GALNT18: variants seen among roughly 807,000 people sequenced by gnomAD.
GALNT18 encodes GalNAc-transferase 18.
In GALNT18, 44 loss-of-function variants were observed where a neutral mutation model predicts 69.5. The ratio of observed to expected loss-of-function variants is 0.63; its 90% CI spans 0.50 to 0.81. The LOEUF (loss-of-function observed/expected upper bound fraction) is 0.81, where lower values mean the gene tolerates loss of function less well. GALNT18 is among the 40% of genes least tolerant of loss of function. The pLI is 0.00. For synonymous variants in GALNT18, 364 were observed against 318.2 expected (o/e 1.14, Z -1.53); for missense variants, 715 against 810.0 (o/e 0.88, Z 1.42).
chr11:11,499,181 T>A (rs1266603800), intron 1 of GALNT18, among the ~76,000 whole-genome samples: 2 of 152,228 alleles, frequency 1.3e-5, no homozygotes, highest in Non-Finnish European at 2.9e-5. Flanking sequence ...TGTTCACTTA[T>A]GACGGTCAAC....
rs192697296 is a variant in GALNT18 at position 11,493,888 on chromosome 11, G to A, written c.236-44952C>T. Among the ~76,000 whole-genome samples, 52 of 152,290 alleles carry A rather than the reference G, an allele frequency of 3.4e-4. No homozygotes were observed. The East Asian group carries it at 9.5e-3, about 28-fold the overall frequency. On this transcript the variant is annotated intron_variant, in intron 1 of 10. Coordinates refer to ENST00000227756, the MANE Select transcript of GALNT18 (RefSeq NM_198516.3). Reference sequence around the variant, plus strand: ...CAACCCGCTCCTGTCCCAGCGTGTGGCAGCAGAGACCACAGCCATGGGGAG... The same window carrying A: ...CAACCCGCTCCTGTCCCAGCGTGTGACAGCAGAGACCACAGCCATGGGGAG...
At chr11:11,342,737 A>G (rs1302792148) in intron 6 of GALNT18, among the ~76,000 whole-genome samples, 1 of 152,206 alleles carries the variant, frequency 6.6e-6, no homozygotes, top group Non-Finnish European at 1.5e-5. Context: ...TGGGTTATGA[A>G]CAGGGCTGGC....
In GALNT18 at chr11:11,538,931, T is replaced by C. The variant is rs1475383962; in HGVS notation, c.235+82428A>G. On this transcript the variant is annotated intron_variant, in intron 1 of 10. Coordinates refer to ENST00000227756, the MANE Select transcript of GALNT18 (RefSeq NM_198516.3). This position sits in a 1 kb window ranked among gnomAD's most constrained non-coding sequence, Gnocchi z 5.2. Reference sequence around the variant, plus strand: ...TTTGTCAACAGAGGTGCCCCCCAGATCCCTGGGTGCCGTGGGCCTCCCTTT... The same window carrying C: ...TTTGTCAACAGAGGTGCCCCCCAGACCCCTGGGTGCCGTGGGCCTCCCTTT... 6.6e-6 allele frequency among the ~76,000 whole-genome samples: 1 copy of C among 152,132 alleles called. No individual in the cohort carries two copies. Among genetic ancestry groups the C allele is most frequent in the Non-Finnish European group, 1.5e-5 (1 of 68,006 alleles).
intron 5 of GALNT18, among the ~76,000 whole-genome samples, chr11:11,374,523 C>T (rs1853681990): frequency 6.6e-6 from 1 of 152,180 alleles, no homozygotes; most frequent in African/African-American, 2.4e-5. Flanking sequence ...CAGGGCAGGG[C>T]ACGCTGGAAA....
intron 1 of GALNT18, among the ~76,000 whole-genome samples, chr11:11,495,922 T>G (rs1856858796): frequency 6.6e-6 from 1 of 152,210 alleles, no homozygotes; most frequent in South Asian, 2.1e-4. Context: ...TCTCTAAGAC[T>G]CCCAACTTGA....
At chr11:11,327,251 AG>A (rs1435446098) in intron 8 of GALNT18, 70 bp from the exon 9 acceptor site, 1 of 1,122,906 alleles carries the variant, frequency 8.9e-7, no homozygotes, top group Non-Finnish European at 1.4e-6. Flanking sequence ...TTAACTCTGG[AG>A]AAACAAGTAT....
At chr11:11,567,256 T>C (rs1858677134) in intron 1 of GALNT18, among the ~76,000 whole-genome samples, 1 of 152,186 alleles carries the variant, frequency 6.6e-6, no homozygotes, top group Admixed American at 6.5e-5. Context: ...ACACTTTTCC[T>C]AGTAACCTAG....
intron 10 of GALNT18, among the ~76,000 whole-genome samples, chr11:11,284,890 A>G (rs1467382823): frequency 8.1e-6 from 1 of 123,322 alleles, no homozygotes; most frequent in Non-Finnish European, 1.7e-5. Context: ...CACCTGATTT[A>G]CTAGTAAAGA....
chr11:11,382,213 ACC>A lies in GALNT18; in HGVS notation c.596-2951_596-2950del, dbSNP rs1853938368. ...AGAAGAGGGAATTCTCTTAGCCCCA[ACC>A]AAACAACTGCTATCCAAAAAAGAAA... On this transcript the variant is annotated intron_variant, in intron 3 of 10. Coordinates refer to ENST00000227756, the MANE Select transcript of GALNT18 (RefSeq NM_198516.3). The surrounding 1 kb of genome is among the most constrained non-coding windows in gnomAD (Gnocchi z 4.3). 4.6e-5 allele frequency among the ~76,000 whole-genome samples: 7 copies of A among 152,180 alleles called. No individual in the cohort carries two copies.
chr11:11,429,431 C>G (rs982459777), intron 3 of GALNT18, among the ~76,000 whole-genome samples: 1 of 152,206 alleles, frequency 6.6e-6, no homozygotes, highest in Non-Finnish European at 1.5e-5. Flanking sequence ...TTACTCCACG[C>G]GTGAGACTCC....
rs1005318862 is a variant in GALNT18 at position 11,318,800 on chromosome 11, T to C, written c.1512+8286A>G. Reference sequence around the variant, plus strand: ...CAAAGAGGGGAAGTGGCCTGTCCTTTTAATATTATCCTGGGACATTAACGG... The same window carrying C: ...CAAAGAGGGGAAGTGGCCTGTCCTTCTAATATTATCCTGGGACATTAACGG... On this transcript the variant is annotated intron_variant, in intron 9 of 10. Coordinates refer to ENST00000227756, the MANE Select transcript of GALNT18 (RefSeq NM_198516.3). This position sits in a 1 kb window ranked among gnomAD's most constrained non-coding sequence, Gnocchi z 5.1. Among the ~76,000 whole-genome samples the C allele has an allele frequency of 4.1e-4, 62 of 152,254 alleles. No homozygotes were observed. Among genetic ancestry groups the C allele is most frequent in the South Asian group, 3.1e-3 (15 of 4,820 alleles).
In GALNT18 at chr11:11,356,370, G is replaced by A. The variant is rs575799624; in HGVS notation, c.1093-15366C>T. Among the ~76,000 whole-genome samples the A allele has an allele frequency of 1.4e-4, 22 of 152,228 alleles. No individual in the cohort carries two copies. Among genetic ancestry groups the A allele is most frequent in the African/African-American group, 4.8e-4 (20 of 41,548 alleles). On this transcript the variant is annotated intron_variant, in intron 6 of 10. Coordinates refer to ENST00000227756, the MANE Select transcript of GALNT18 (RefSeq NM_198516.3). This position sits in a 1 kb window ranked among gnomAD's most constrained non-coding sequence, Gnocchi z 4.4. ...AAGCTACCTTCCAGGGTCTGATACC[G>A]ACCAGCATGCAGACTCAGCTAAAGA...
At chr11:11,365,130 T>G (rs1339060285) in intron 6 of GALNT18, among the ~76,000 whole-genome samples, 2 of 152,100 alleles carry the variant, frequency 1.3e-5, no homozygotes, top group African/African-American at 2.4e-5. Context: ...GACCCATCCT[T>G]TAAGTTCCCT....
At chr11:11,300,178 C>G (rs1849469720) in intron 9 of GALNT18, among the ~76,000 whole-genome samples, 1 of 152,202 alleles carries the variant, frequency 6.6e-6, no homozygotes, top group Non-Finnish European at 1.5e-5. Context: ...AGCTGTTTTT[C>G]CTCCATTAAA....
chr11:11,308,256 C>T (rs931089267), intron 9 of GALNT18, among the ~76,000 whole-genome samples: 8 of 152,166 alleles, frequency 5.3e-5, no homozygotes, highest in African/African-American at 1.9e-4. Flanking sequence ...GCACAGATTT[C>T]CTGGAGGAAA....
In GALNT18 at chr11:11,332,909, T is replaced by G. The variant is rs554587865; in HGVS notation, c.1279-78A>C. Reference sequence around the variant, plus strand: ...CCCCAAACTCTACTTTGGCATGACCTTGTGCCCCCAACAAGATTCCTAGAG... The same window carrying G: ...CCCCAAACTCTACTTTGGCATGACCGTGTGCCCCCAACAAGATTCCTAGAG... On this transcript the variant is annotated intron_variant, in intron 7 of 10. Coordinates refer to ENST00000227756, the MANE Select transcript of GALNT18 (RefSeq NM_198516.3). The surrounding 1 kb of genome is among the most constrained non-coding windows in gnomAD (Gnocchi z 4.3). 4.1e-4 allele frequency: 620 copies of G among 1,520,328 alleles called. 1 individual carries two copies. Among genetic ancestry groups the G allele is most frequent in the Non-Finnish European group, 5.0e-4 (558 of 1,110,942 alleles). The allele number at this position is 1,520,328 out of a possible 1,614,324, so 94.2% of individuals were successfully genotyped here.
At chr11:11,392,907 T>C (rs1335501834) in intron 3 of GALNT18, among the ~76,000 whole-genome samples, 1 of 152,176 alleles carries the variant, frequency 6.6e-6, no homozygotes, top group African/African-American at 2.4e-5. Context: ...GAACAGTAGG[T>C]TCCATCCCAG....
chr11:11,609,200 C>T (rs1310213972), intron 1 of GALNT18, among the ~76,000 whole-genome samples: 1 of 152,232 alleles, frequency 6.6e-6, no homozygotes, highest in Non-Finnish European at 1.5e-5. Context: ...CTCCCCAGTC[C>T]TTCCAGAGCA....
chr11:11,534,270 T>C (rs1166553914), intron 1 of GALNT18, among the ~76,000 whole-genome samples: 4 of 152,142 alleles, frequency 2.6e-5, no homozygotes, highest in African/African-American at 9.7e-5. Flanking sequence ...TGAGGGAGGC[T>C]GATATTCAAA....
Sources: allele counts gnomAD v4.1 joint callset (sites outside exome capture counted in the v4.1 genomes callset), GRCh38; gene constraint gnomAD v4.1.1; non-coding constraint Gnocchi (gnomAD v3.1); transcripts MANE v1.5; gene names NCBI Gene and HGNC (gene_info 2026-07-23, HGNC 2026-07-21).